ADCY2: variants seen among roughly 807,000 people sequenced by gnomAD.
ADCY2 encodes adenylate cyclase type 2.
Under a neutral mutation model 125.2 loss-of-function variants are expected in ADCY2, and 31 were observed. The observed-to-expected ratio is 0.25, with a 90% confidence interval of 0.19 to 0.33. ADCY2 has a LOEUF of 0.33. Among genes scored for constraint, ADCY2 ranks in the 10% least tolerant of loss-of-function variants. The pLI is 1.00. For missense variants in ADCY2, 904 were observed against 1,418.2 expected, an observed-to-expected ratio of 0.64 and a Z score of 5.82; for synonymous variants, 512 against 548.4, an observed-to-expected ratio of 0.93 and a Z score of 0.93.
intron 2 of ADCY2, among the ~76,000 whole-genome samples, chr5:7,501,975 G>T (rs774854325): frequency 6.6e-6 from 1 of 152,064 alleles, no homozygotes; most frequent in Non-Finnish European, 1.5e-5. Context: ...TACTATTCAC[G>T]ATCAATGGGA....
chr5:7,678,517 G>C (rs369603113), intron 4 of ADCY2, among the ~76,000 whole-genome samples: 2 of 152,102 alleles, frequency 1.3e-5, no homozygotes, highest in African/African-American at 4.8e-5. Context: ...AATTGAAAGA[G>C]AGAGATGTAC....
chr5:7,432,162 G>A (rs547860192), intron 2 of ADCY2, among the ~76,000 whole-genome samples: 11 of 151,930 alleles, frequency 7.2e-5, no homozygotes, highest in Non-Finnish European at 1.5e-4. Flanking sequence ...CTGGACTCTG[G>A]GGGAAGATTA....
At chr5:7,721,431 G>A (rs1741754375) in intron 12 of ADCY2, among the ~76,000 whole-genome samples, 1 of 152,182 alleles carries the variant, frequency 6.6e-6, no homozygotes, top group African/African-American at 2.4e-5. Flanking sequence ...TTTGGCTTTT[G>A]TTGCCATCAC....
chr5:7,778,242 C>A (rs558046535), intron 18 of ADCY2, among the ~76,000 whole-genome samples: 1 of 152,208 alleles, frequency 6.6e-6, no homozygotes, highest in African/African-American at 2.4e-5. Context: ...AAGAAGTTGT[C>A]AAATTTTTCC....
chr5:7,465,837 G>A (rs1397014282), intron 2 of ADCY2, among the ~76,000 whole-genome samples: 1 of 152,096 alleles, frequency 6.6e-6, no homozygotes, highest in Admixed American at 6.6e-5. Flanking sequence ...GGCTATCTTG[G>A]GAGTTTCATT....
intron 16 of ADCY2, among the ~76,000 whole-genome samples, chr5:7,760,051 C>T (rs1414271918): frequency 6.6e-6 from 1 of 152,158 alleles, no homozygotes; most frequent in Non-Finnish European, 1.5e-5. Flanking sequence ...TTTCTGCAGA[C>T]ACACCACGAG....
At chr5:7,584,366 T>C (rs1234165832) in intron 3 of ADCY2, among the ~76,000 whole-genome samples, 1 of 152,092 alleles carries the variant, frequency 6.6e-6, no homozygotes, top group Non-Finnish European at 1.5e-5. Flanking sequence ...TGTAAAAACA[T>C]GACAGAACAC....
intron 4 of ADCY2, among the ~76,000 whole-genome samples, chr5:7,679,950 G>A (rs1433668268): frequency 6.6e-6 from 1 of 152,058 alleles, no homozygotes; most frequent in Non-Finnish European, 1.5e-5. Flanking sequence ...GAGAAGTGAT[G>A]GTGTACATCC....
intron 3 of ADCY2, among the ~76,000 whole-genome samples, chr5:7,556,232 T>C (rs986977674): frequency 6.6e-6 from 1 of 152,208 alleles, no homozygotes; most frequent in African/African-American, 2.4e-5. Flanking sequence ...TGCATCTCCT[T>C]TGTGTGCAGT....
intron 16 of ADCY2, among the ~76,000 whole-genome samples, chr5:7,758,968 T>A (rs1743104686): frequency 6.6e-6 from 1 of 152,132 alleles, no homozygotes; most frequent in South Asian, 2.1e-4. Flanking sequence ...AGATCGTAAA[T>A]TCCTCTCAAA....
intron 14 of ADCY2, among the ~76,000 whole-genome samples, chr5:7,739,727 G>T (rs1487191078): frequency 6.6e-6 from 1 of 151,544 alleles, no homozygotes; most frequent in Non-Finnish European, 1.5e-5. Flanking sequence ...CAATTTAAGG[G>T]AAAAAAGAGG....
intron 4 of ADCY2, among the ~76,000 whole-genome samples, chr5:7,650,798 G>C (rs1681878694): frequency 6.6e-6 from 1 of 152,208 alleles, no homozygotes; most frequent in Non-Finnish European, 1.5e-5. Flanking sequence ...ACAAAGACAT[G>C]TTTTCCCCAT....
intron 2 of ADCY2, among the ~76,000 whole-genome samples, chr5:7,509,948 A>G (rs974921377): frequency 6.6e-6 from 1 of 152,196 alleles, no homozygotes; most frequent in African/African-American, 2.4e-5. Context: ...CAGGTATTGA[A>G]TAAGAGGTAT....
At chr5:7,674,687 C>T (rs750105659) in intron 4 of ADCY2, among the ~76,000 whole-genome samples, 10 of 152,164 alleles carry the variant, frequency 6.6e-5, no homozygotes, top group Non-Finnish European at 1.3e-4. Flanking sequence ...CAGTTCTGAG[C>T]CACTGCTTGG....
chr5:7,437,108 C>CAACCTT (rs1740833120), intron 2 of ADCY2, among the ~76,000 whole-genome samples: 1 of 152,104 alleles, frequency 6.6e-6, no homozygotes, highest in Non-Finnish European at 1.5e-5. Flanking sequence ...GGAACTCAGG[C>CAACCTT]CAGGAGGTGT....
At chr5:7,747,148 C>A (rs1003174196) in intron 15 of ADCY2, among the ~76,000 whole-genome samples, 2 of 152,322 alleles carry the variant, frequency 1.3e-5, no homozygotes, top group South Asian at 4.1e-4. Flanking sequence ...CCGAGGCATG[C>A]CCCATGCTGG....
At chr5:7,494,787 T>C (rs1743288651) in intron 2 of ADCY2, among the ~76,000 whole-genome samples, 2 of 152,198 alleles carry the variant, frequency 1.3e-5, no homozygotes, top group South Asian at 4.1e-4. Flanking sequence ...AGTAACAGAA[T>C]TCAACAAGGT....
chr5:7,657,690 A>G (rs571183026), intron 4 of ADCY2, among the ~76,000 whole-genome samples: 2 of 152,342 alleles, frequency 1.3e-5, no homozygotes, highest in East Asian at 3.9e-4. Context: ...GTGAGGGTTA[A>G]TCACCTAAGT....
chr5:7,687,911 C>T (rs1174859556), intron 4 of ADCY2, among the ~76,000 whole-genome samples: 1 of 152,190 alleles, frequency 6.6e-6, no homozygotes, highest in East Asian at 1.9e-4. Flanking sequence ...GTTATGTACA[C>T]TGAGCACCTG....
Sources: gnomAD v4.1 joint callset for allele counts (sites outside exome capture counted in the v4.1 genomes callset) on GRCh38, gnomAD v4.1.1 for gene constraint, MANE v1.5 for transcripts, NCBI Gene and HGNC (gene_info 2026-07-23, HGNC 2026-07-21) for gene names.